Variants in NBAS observed in about 807,000 individuals in gnomAD.
The protein encoded by NBAS is NAG/BC035112 fusion.
A neutral mutation model predicts 302.5 loss-of-function variants in NBAS; 219 were observed. The observed-to-expected ratio is 0.72, with a 90% CI of 0.65 to 0.81. The LOEUF (loss-of-function observed/expected upper bound fraction) is 0.81. NBAS is among the 30% of genes least tolerant of loss of function. NBAS has a pLI of 0.00. For synonymous variants in NBAS, 1,118 were observed against 1,021.6 expected (o/e 1.09, Z -1.80); for missense variants, 2,932 against 2,841.6 (o/e 1.03, Z -0.72).
intron 25 of NBAS, among the ~76,000 whole-genome samples, chr2:15,409,460 T>C (rs771855172): frequency 6.6e-5 from 10 of 152,228 alleles, no homozygotes; most frequent in Non-Finnish European, 1.0e-4. Context: ...CCATATATTT[T>C]TCATTTCTTC....
At chr2:15,525,719 C>T (rs1013402552) in intron 9 of NBAS, among the ~76,000 whole-genome samples, 5 of 152,026 alleles carry the variant, frequency 3.3e-5, no homozygotes, top group Non-Finnish European at 5.9e-5. Context: ...TAGTTACCTT[C>T]AAACACTAAC....
chr2:15,328,260 A>C lies in NBAS; in HGVS notation c.4400T>G (p.Leu1467Arg). ...AAAAGGATGACACCCTTGTTTCTCT[A>C]GATCTTCATTGGCTGTAGTTCCGAT... Reference protein sequence around the residue: ...YQIGTTANEDLEKQGCHPFYE... With the variant: ...YQIGTTANEDREKQGCHPFYE... The change falls in exon 37 of 52, where the codon CTA becomes CGA. Residue 1467 changes from leucine (L) to arginine (R), a missense_variant. Coordinates refer to ENST00000281513, the MANE Select transcript of NBAS (RefSeq NM_015909.4). 1 of 1,614,020 alleles carries C rather than the reference A, an allele frequency of 6.2e-7. No homozygotes were observed. Among genetic ancestry groups the C allele is most frequent in the Non-Finnish European group, 8.5e-7 (1 of 1,179,934 alleles).
the NBAS span, among the ~76,000 whole-genome samples, chr2:15,114,438 T>C: frequency 6.6e-6 from 1 of 152,150 alleles, no homozygotes; most frequent in Non-Finnish European, 1.5e-5. Context: ...ATAAGCTCAT[T>C]TTAACTTAAT....
the NBAS span, among the ~76,000 whole-genome samples, chr2:14,880,588 T>A: frequency 6.6e-6 from 1 of 151,894 alleles, no homozygotes; most frequent in Non-Finnish European, 1.5e-5. Flanking sequence ...GAGGACAGAT[T>A]GTGCTGAAAC....
the NBAS span, among the ~76,000 whole-genome samples, chr2:14,839,133 T>A: frequency 6.8e-4 from 103 of 151,906 alleles, 4 homozygotes; most frequent in South Asian, 0.021. Flanking sequence ...AAGATTATAC[T>A]CAGCAATAAC....
the NBAS span, among the ~76,000 whole-genome samples, chr2:14,839,202 A>AG: frequency 6.6e-6 from 1 of 151,760 alleles, no homozygotes; most frequent in Non-Finnish European, 1.5e-5. Flanking sequence ...ATAGAAATTA[A>AG]AAAAAACTCT....
intron 26 of NBAS, among the ~76,000 whole-genome samples, chr2:15,398,666 T>C (rs1028243388): frequency 2.6e-5 from 4 of 152,192 alleles, no homozygotes; most frequent in African/African-American, 9.7e-5. Flanking sequence ...AGTTTACCAC[T>C]TGATAAATAA....
chr2:14,927,069 G>A, the NBAS span, among the ~76,000 whole-genome samples: 4 of 152,176 alleles, frequency 2.6e-5, no homozygotes, highest in Admixed American at 6.5e-5. Flanking sequence ...CTCCCTGAGC[G>A]AGAGGGAATT....
intron 21 of NBAS, among the ~76,000 whole-genome samples, chr2:15,441,333 G>A (rs1415962528): frequency 2.0e-5 from 3 of 152,178 alleles, no homozygotes; most frequent in Non-Finnish European, 2.9e-5. Context: ...CAAACCAGAA[G>A]AGAGTGGGGG....
At position 15,503,987 on chromosome 2, in the gene NBAS, C is replaced by T. The variant is rs3732003; in HGVS notation, c.954+158G>A. On this transcript the variant is annotated intron_variant, in intron 11 of 51. Coordinates refer to ENST00000281513, the MANE Select transcript of NBAS (RefSeq NM_015909.4). The stretch of plus-strand genomic sequence containing the variant: ...AAAATATAAAAATCTTCAGCACCAG[C>T]TCTATGAATTCTTACTAATGCATAT... 0.55 allele frequency among the ~76,000 whole-genome samples: 83,385 copies of T among 151,456 alleles called. 23,609 individuals carry two copies. Among genetic ancestry groups the T allele is most frequent in the Middle Eastern group, 0.62 (182 of 294 alleles).
At chr2:15,399,611 C>T (rs1320781778) in intron 26 of NBAS, among the ~76,000 whole-genome samples, 3 of 151,710 alleles carry the variant, frequency 2.0e-5, no homozygotes, top group Non-Finnish European at 4.4e-5. Context: ...CTCTGATTTA[C>T]CTTTCCCTAC....
At chr2:14,916,115 A>C in the NBAS span, among the ~76,000 whole-genome samples, 1 of 152,166 alleles carries the variant, frequency 6.6e-6, no homozygotes, top group Non-Finnish European at 1.5e-5. Flanking sequence ...AAAATGGGAT[A>C]ATGGTAATAC....
intron 42 of NBAS, 150 bp from the exon 43 acceptor site, chr2:15,277,251 C>G: frequency 1.0e-6 from 1 of 982,576 alleles, no homozygotes; most frequent in Non-Finnish European, 1.5e-6. Context: ...GCCAGTCAGC[C>G]TGAATAAAGG....
At chr2:15,388,829 C>T (rs1326901523) in intron 28 of NBAS, among the ~76,000 whole-genome samples, 1 of 151,618 alleles carries the variant, frequency 6.6e-6, no homozygotes, top group Admixed American at 6.6e-5. Flanking sequence ...AATGTTATAC[C>T]AACAATACAG....
At chr2:15,457,452 T>G (rs1469087927) in intron 21 of NBAS, among the ~76,000 whole-genome samples, 1 of 152,224 alleles carries the variant, frequency 6.6e-6, no homozygotes, top group Non-Finnish European at 1.5e-5. Context: ...TTTGTTAGTT[T>G]TCAGCATTGC....
chr2:15,204,040 C>T (rs1666022554), intron 48 of NBAS, among the ~76,000 whole-genome samples: 1 of 151,960 alleles, frequency 6.6e-6, no homozygotes, highest in African/African-American at 2.4e-5. Context: ...GGCAGCAGGA[C>T]TGCTTGAACC....
At chr2:15,341,799 G>A (rs1249159751) in intron 35 of NBAS, among the ~76,000 whole-genome samples, 1 of 152,100 alleles carries the variant, frequency 6.6e-6, no homozygotes, top group Non-Finnish European at 1.5e-5. Context: ...TATCAAATAA[G>A]TAAAGATATT....
intron 21 of NBAS, among the ~76,000 whole-genome samples, chr2:15,435,112 C>A (rs1251906921): frequency 1.3e-5 from 2 of 152,008 alleles, no homozygotes; most frequent in Non-Finnish European, 2.9e-5. Flanking sequence ...TGAAATGTAC[C>A]AAAATATTCA....
chr2:15,047,773 C>G, the NBAS span, among the ~76,000 whole-genome samples: 2 of 150,510 alleles, frequency 1.3e-5, no homozygotes, highest in Non-Finnish European at 1.5e-5. Flanking sequence ...GGAGAGAACA[C>G]GAACATGTGC....
Sources: allele counts gnomAD v4.1 joint callset (sites outside exome capture counted in the v4.1 genomes callset), GRCh38; gene constraint gnomAD v4.1.1; transcripts MANE v1.5; gene names NCBI Gene and HGNC (gene_info 2026-07-23, HGNC 2026-07-21).